The following CCDC30 variants were observed in gnomAD, a reference collection of about 807,000 sequenced individuals.
CCDC30 encodes coiled-coil domain-containing protein 30.
CCDC30 carries 70 observed loss-of-function variants against 100.2 expected under a neutral mutation model. The ratio of observed to expected loss-of-function variants is 0.70; its 90% CI spans 0.58 to 0.85. The LOEUF is 0.85. CCDC30 is among the 40% of genes least tolerant of loss of function. CCDC30 has a pLI of 0.00. For synonymous variants in CCDC30, 233 were observed against 269.5 expected (o/e 0.86, Z 1.33); for missense variants, 652 against 771.2 (o/e 0.85, Z 1.83).
At chr1:42,578,720 G>A (rs889920390) in intron 8 of CCDC30, among the ~76,000 whole-genome samples, 3 of 152,052 alleles carry the variant, frequency 2.0e-5, no homozygotes, top group Non-Finnish European at 2.9e-5. Context: ...CTAGGCATAA[G>A]AAAAACTGTT....
intron 6 of CCDC30, chr1:42,556,279 A>G: frequency 6.2e-7 from 1 of 1,614,078 alleles, no homozygotes; most frequent in Non-Finnish European, 8.5e-7. Flanking sequence ...AAGATGAAGA[A>G]AAAGAACAGC....
chr1:42,525,364 G>A (rs941887627), intron 6 of CCDC30, among the ~76,000 whole-genome samples: 3 of 151,830 alleles, frequency 2.0e-5, no homozygotes, highest in African/African-American at 7.3e-5. Flanking sequence ...AATTTCTATT[G>A]TTGTTTTCAA....
At chr1:42,643,597 T>A (rs1285616986) in intron 13 of CCDC30, among the ~76,000 whole-genome samples, 2 of 152,226 alleles carry the variant, frequency 1.3e-5, no homozygotes, top group African/African-American at 4.8e-5. Flanking sequence ...CTTGCCCTAC[T>A]GATGACACAA....
At chr1:42,570,555 G>A (rs1489639575) in intron 7 of CCDC30, among the ~76,000 whole-genome samples, 1 of 152,006 alleles carries the variant, frequency 6.6e-6, no homozygotes, top group Non-Finnish European at 1.5e-5. Flanking sequence ...TGCACACCTT[G>A]TCCCCATCAT....
Position 42,542,539 on chromosome 1 carries a change from C to CTTTTTTTTT in CCDC30, c.457-23743_457-23735dup, listed in dbSNP as rs58751072. On this transcript the variant is annotated intron_variant, in intron 6 of 16. Transcript: ENST00000668663. The stretch of plus-strand genomic sequence containing the variant: ...CACACCTGGCTAATTTTAAATTTTT[C>CTTTTTTTTT]TTTTTTTTTTTTTTTTTTTTTTGAG... Among the ~76,000 whole-genome samples, 247 of 75,540 alleles carry CTTTTTTTTT rather than the reference C, an allele frequency of 3.3e-3. 10 individuals are homozygous for CTTTTTTTTT. The highest frequency in any genetic ancestry group is 0.023 in the Middle Eastern group (2 of 86). The allele number at this position is 75,540 out of a possible 152,430, so 49.6% of individuals were successfully genotyped here.
chr1:42,480,864 A>G (rs1285067501), intron 2 of CCDC30, among the ~76,000 whole-genome samples: 2 of 152,210 alleles, frequency 1.3e-5, no homozygotes, highest in African/African-American at 2.4e-5. Context: ...TCATGCCTAT[A>G]ATCCCAGCAC....
Position 42,479,354 on chromosome 1 carries a change from C to T in CCDC30, c.-91-1107C>T, listed in dbSNP as rs368183137. ...TTGCACCATTGCATTCCAGCCTGGGCGAAAGAGTGAGACTCCATCTCAAAA... is the reference window on the plus strand; with the variant it reads ...TTGCACCATTGCATTCCAGCCTGGGTGAAAGAGTGAGACTCCATCTCAAAA... On this transcript the variant is annotated intron_variant, in intron 1 of 16. Transcript: ENST00000668663. Among the ~76,000 whole-genome samples, 175 of 151,848 alleles carry T rather than the reference C, an allele frequency of 1.2e-3. 1 individual carries two copies. Among genetic ancestry groups the T allele is most frequent in the Middle Eastern group, 0.01 (3 of 292 alleles).
chr1:42,510,182 A>G (rs1236688224), intron 6 of CCDC30: 6 of 853,190 alleles, frequency 7.0e-6, no homozygotes, highest in Non-Finnish European at 8.5e-6. Flanking sequence ...TCCAATTGGG[A>G]ATGATGATTC....
chr1:42,653,418 G>T lies in CCDC30; in HGVS notation c.1897G>T (p.Glu633Ter), dbSNP rs1194157331. ...CATCCTTGAATCCGAAGTAGTGAATGAAATATTGCCTTTATCAAACTCCAG... is the reference window on the plus strand; with the variant it reads ...CATCCTTGAATCCGAAGTAGTGAATTAAATATTGCCTTTATCAAACTCCAG... The change falls in exon 16 of 17, where the codon GAA becomes TAA. Residue 633 changes from glutamate to a stop codon, truncating the protein, a stop_gained. Coordinates refer to ENST00000668663, the Ensembl canonical transcript of CCDC30. LOFTEE classifies it low-confidence loss of function (END_TRUNC). The T allele has an allele frequency of 6.2e-7, 1 of 1,605,982 alleles. No individual in the cohort carries two copies. Among genetic ancestry groups the T allele is most frequent in the South Asian group, 1.1e-5 (1 of 90,018 alleles).
chr1:42,499,950 C>T (rs1035870527), intron 6 of CCDC30, among the ~76,000 whole-genome samples: 10 of 152,154 alleles, frequency 6.6e-5, no homozygotes, highest in African/African-American at 2.4e-4. Context: ...TGTCGTCCCA[C>T]CCCACTTCTT....
At chr1:42,651,460 C>G (rs1382662655) in intron 15 of CCDC30, among the ~76,000 whole-genome samples, 1 of 150,146 alleles carries the variant, frequency 6.7e-6, no homozygotes, top group Non-Finnish European at 1.5e-5. Context: ...AAATGGACAA[C>G]AGATATATGA....
intron 11 of CCDC30, among the ~76,000 whole-genome samples, chr1:42,633,639 G>C (rs1377529538): frequency 2.0e-5 from 3 of 152,082 alleles, no homozygotes; most frequent in African/African-American, 7.2e-5. Context: ...GCCAGTCTCC[G>C]TGTCTCATAT....
chr1:42,650,882 C>T (rs1648289965), intron 15 of CCDC30, among the ~76,000 whole-genome samples: 2 of 152,114 alleles, frequency 1.3e-5, no homozygotes, highest in African/African-American at 4.8e-5. Flanking sequence ...TCTGCCTTGG[C>T]CTCCCAAAAT....
intron 10 of CCDC30, chr1:42,594,718 G>C (rs576438484): frequency 1.3e-5 from 2 of 151,882 alleles, no homozygotes; most frequent in East Asian, 3.9e-4. Flanking sequence ...AAACATCATG[G>C]TCTTCTGCTC....
chr1:42,584,256 C>T (rs183190134), intron 9 of CCDC30, among the ~76,000 whole-genome samples: 1 of 152,266 alleles, frequency 6.6e-6, no homozygotes, highest in African/African-American at 2.4e-5. Context: ...CAAAGCTACT[C>T]TATTAAAAAT....
At chr1:42,512,133 C>T (rs1364715926) in intron 6 of CCDC30, among the ~76,000 whole-genome samples, 1 of 152,192 alleles carries the variant, frequency 6.6e-6, no homozygotes, top group African/African-American at 2.4e-5. Context: ...AGGCACAGAT[C>T]GCTCATGCTA....
At chr1:42,642,381 A>G (rs1487584130) in intron 12 of CCDC30, 92 bp from the exon 17 acceptor site, 14 of 1,205,226 alleles carry the variant, frequency 1.2e-5, no homozygotes, top group Non-Finnish European at 1.5e-5. Context: ...TAAATAAGGG[A>G]AAATTTCTGC....
chr1:42,555,642 T>C (rs1645353367), intron 6 of CCDC30, among the ~76,000 whole-genome samples: 1 of 152,132 alleles, frequency 6.6e-6, no homozygotes. Context: ...TGATGGGTCA[T>C]CTCCCTGAAT....
intron 3 of CCDC30, among the ~76,000 whole-genome samples, chr1:42,488,162 A>G (rs377764508): frequency 6.6e-6 from 1 of 151,688 alleles, no homozygotes; most frequent in Admixed American, 6.6e-5. Context: ...TTTTTTTTTT[A>G]AATCGATGCT....
Sources: allele counts gnomAD v4.1 joint callset (sites outside exome capture counted in the v4.1 genomes callset), GRCh38; gene constraint gnomAD v4.1.1; transcripts MANE v1.5; gene names NCBI Gene and HGNC (gene_info 2026-07-23, HGNC 2026-07-21).